The following RNF11 variants were observed in gnomAD, a reference collection of about 807,000 sequenced individuals.
RNF11 encodes the protein ring finger protein 11.
In RNF11, 4 loss-of-function variants were observed where a neutral mutation model predicts 15.8. The observed-to-expected ratio is 0.25, with a 90% CI of 0.12 to 0.58. The LOEUF is 0.58. Among genes scored for constraint, RNF11 ranks in the 20% least tolerant of loss-of-function variants. The pLI, the probability that RNF11 is intolerant of heterozygous loss-of-function variation, is 0.91. For missense variants in RNF11, 139 were observed against 194.4 expected (o/e 0.71, Z 1.70); for synonymous variants, 68 against 72.3 (o/e 0.94, Z 0.30).
chr1:51,251,424 A>T, intron 1 of RNF11: 1 of 1,146,184 alleles, frequency 8.7e-7, no homozygotes. Flanking sequence ...GCAGTTCCCC[A>T]TCCCAGGGCC....
intron 1 of RNF11, among the ~76,000 whole-genome samples, chr1:51,247,369 C>T (rs1646857101): frequency 6.6e-6 from 1 of 152,140 alleles, no homozygotes; most frequent in African/African-American, 2.4e-5. Context: ...GCTCATGCCA[C>T]CACATCCAGT....
rs138568898 is a variant in RNF11 at position 51,246,248 on chromosome 1, A to G, written c.123+9369A>G. 5.5e-3 allele frequency among the ~76,000 whole-genome samples: 825 copies of G among 151,164 alleles called. 7 individuals carry two copies. Among genetic ancestry groups the G allele is most frequent in the African/African-American group, 0.019 (781 of 41,200 alleles). ...CTGTTGCACTCTAGCCTGGGCAACA[A>G]GAGTGAAACTCCATCTCAACAACAA... On this transcript the variant is annotated intron_variant, in intron 1 of 2. Transcript: ENST00000242719.
intron 1 of RNF11, among the ~76,000 whole-genome samples, chr1:51,261,864 T>G (rs1372067585): frequency 6.6e-6 from 1 of 151,992 alleles, no homozygotes; most frequent in Non-Finnish European, 1.5e-5. Context: ...GTGATAAGAT[T>G]TTTAAATAAA....
chr1:51,248,572 A>G (rs1168014539), intron 1 of RNF11, among the ~76,000 whole-genome samples: 1 of 152,086 alleles, frequency 6.6e-6, no homozygotes, highest in Non-Finnish European at 1.5e-5. Flanking sequence ...TGAGTCTCTT[A>G]CCCCTAGGAG....
chr1:51,251,500 TTG>T (rs1646878365), intron 1 of RNF11: 6 of 595,452 alleles, frequency 1.0e-5, no homozygotes, highest in Middle Eastern at 4.4e-4. Flanking sequence ...AAGAAAGGAT[TTG>T]TGACAATTTG....
At position 51,236,694 on chromosome 1, in the gene RNF11, A is replaced by G; in HGVS notation, c.-63A>G. ...CCTCGCCAACCGAGGCGGACCGCGG[A>G]GTGTGCGAACGACCCCACCGCTGCT... On this transcript the variant is annotated 5_prime_UTR_variant, in exon 1 of 3. Coordinates refer to ENST00000242719, the MANE Select transcript of RNF11 (RefSeq NM_014372.5). 1 of 1,595,244 alleles carries G rather than the reference A, an allele frequency of 6.3e-7. No homozygotes were observed. The highest frequency in any genetic ancestry group is 8.5e-7 in the Non-Finnish European group (1 of 1,170,332).
At chr1:51,242,034 TTA>T (rs1646831453) in intron 1 of RNF11, among the ~76,000 whole-genome samples, 1 of 152,206 alleles carries the variant, frequency 6.6e-6, no homozygotes, top group African/African-American at 2.4e-5. Flanking sequence ...TTTGCAGTAG[TTA>T]TATAGTTTGA....
intron 1 of RNF11, among the ~76,000 whole-genome samples, chr1:51,242,561 CCCTT>C (rs1197737466): frequency 6.6e-6 from 1 of 152,074 alleles, no homozygotes; most frequent in Non-Finnish European, 1.5e-5. Context: ...AAAAATAACC[CCCTT>C]CCTTATAAAA....
At chr1:51,248,260 T>A (rs1420795511) in intron 1 of RNF11, among the ~76,000 whole-genome samples, 1 of 150,678 alleles carries the variant, frequency 6.6e-6, no homozygotes, top group Non-Finnish European at 1.5e-5. Flanking sequence ...CTGGCTGGAG[T>A]GCAGTGGCAC....
chr1:51,246,387 C>A (rs1046815682), intron 1 of RNF11, among the ~76,000 whole-genome samples: 4 of 151,792 alleles, frequency 2.6e-5, no homozygotes, highest in African/African-American at 9.7e-5. Context: ...CCAGCCTGGG[C>A]AAAATAGCGA....
rs939399727 is a variant in RNF11 at position 51,255,805 on chromosome 1, G to T, written c.124-14151G>T. ...CTATAAATATGAGAGTACATCTCTG[G>T]ACTCTTCTGTTCCATTGGTCTATAT... On this transcript the variant is annotated intron_variant, in intron 1 of 2. Transcript: ENST00000242719. 4.6e-5 allele frequency among the ~76,000 whole-genome samples: 7 copies of T among 152,106 alleles called. 1 individual carries two copies. Among genetic ancestry groups the T allele is most frequent in the Non-Finnish European group, 5.9e-5 (4 of 68,016 alleles).
chr1:51,248,103 T>TC (rs1245863760), intron 1 of RNF11, among the ~76,000 whole-genome samples: 2 of 147,510 alleles, frequency 1.4e-5, no homozygotes, highest in African/African-American at 5.2e-5. Context: ...CTTCTTTTTT[T>TC]TTTTTTTTTT....
In RNF11 at chr1:51,251,444, C is replaced by T. The variant is rs557863988; in HGVS notation, c.123+14565C>T. 17 of 794,266 alleles carry T rather than the reference C, an allele frequency of 2.1e-5. No homozygotes were observed. In the African/African-American group the frequency reaches 2.4e-4, roughly 11 times the overall value. 49.2% of individuals were successfully genotyped at this position (794,266 alleles called of 1,614,324 possible). A position where few individuals can be genotyped will look rare whatever the true frequency, so the allele number is the denominator to read the frequency against. ...TCCCCATCCCAGGGCCTCCGGGCCC[C>T]CCCCCGCTGCACTGGTGTCATCCAC... On this transcript the variant is annotated intron_variant, in intron 1 of 2. Transcript: ENST00000242719.
chr1:51,262,705 G>A (rs1050115529), intron 1 of RNF11, among the ~76,000 whole-genome samples: 5 of 144,976 alleles, frequency 3.4e-5, no homozygotes, highest in African/African-American at 5.2e-5. Flanking sequence ...CACTACCACC[G>A]CCTGCTAATC....
At chr1:51,243,495 G>C (rs1251596235) in intron 1 of RNF11, among the ~76,000 whole-genome samples, 2 of 152,114 alleles carry the variant, frequency 1.3e-5, no homozygotes, top group Non-Finnish European at 2.9e-5. Context: ...CTGGAGTGCA[G>C]TGGTGCCACC....
intron 1 of RNF11, among the ~76,000 whole-genome samples, chr1:51,253,969 A>T (rs553129576): frequency 1.4e-5 from 2 of 142,248 alleles, no homozygotes; most frequent in African/African-American, 5.1e-5. Context: ...TCCCATCTCT[A>T]AAAAAAAAAA....
At chr1:51,242,456 A>G (rs997617185) in intron 1 of RNF11, among the ~76,000 whole-genome samples, 4 of 150,664 alleles carry the variant, frequency 2.7e-5, no homozygotes, top group Admixed American at 6.7e-5. Flanking sequence ...TGAGACCCCC[A>G]TCTCTATTAA....
At chr1:51,269,658 C>T (rs547922355) in intron 1 of RNF11, among the ~76,000 whole-genome samples, 1 of 152,256 alleles carries the variant, frequency 6.6e-6, no homozygotes, top group South Asian at 2.1e-4. Flanking sequence ...GAGATGAGGT[C>T]TTGCTATGTT....
intron 1 of RNF11, among the ~76,000 whole-genome samples, chr1:51,248,979 GTAT>G (rs1331908204): frequency 1.3e-5 from 2 of 152,122 alleles, no homozygotes; most frequent in Non-Finnish European, 2.9e-5. Context: ...ATTGTATTAG[GTAT>G]TATAAGTAAT....
Sources: allele counts gnomAD v4.1 joint callset (sites outside exome capture counted in the v4.1 genomes callset), GRCh38; gene constraint gnomAD v4.1.1; transcripts MANE v1.5; gene names NCBI Gene and HGNC (gene_info 2026-07-23, HGNC 2026-07-21).